Variants in SLC22A15 observed in about 807,000 individuals in gnomAD.
SLC22A15 encodes the protein solute carrier family 22 member 15.
In SLC22A15, 45 loss-of-function variants were observed where a neutral mutation model predicts 62.7. The ratio of observed to expected loss-of-function variants is 0.72; its 90% CI spans 0.56 to 0.92. SLC22A15 has a LOEUF of 0.92. SLC22A15 is among the 40% of genes least tolerant of loss of function. The pLI is 0.00. For synonymous variants in SLC22A15, 264 were observed against 267.0 expected (o/e 0.99, Z 0.11); for missense variants, 622 against 665.6 (o/e 0.93, Z 0.72).
chr1:115,997,157 T>G (rs1311853821), intron 2 of SLC22A15, among the ~76,000 whole-genome samples: 1 of 152,180 alleles, frequency 6.6e-6, no homozygotes, highest in Non-Finnish European at 1.5e-5. Context: ...TCCAACATTT[T>G]TTATGCCAAT....
In SLC22A15 at chr1:115,997,751, G is replaced by C. The variant is rs113888027; in HGVS notation, c.300+5508G>C. ...TATCATCTGCAAACAAGGGTAATTT[G>C]ACTTCTTCCTTTCCAATTTGGATAC... On this transcript the variant is annotated intron_variant, in intron 2 of 11. Coordinates refer to ENST00000369503, the MANE Select transcript of SLC22A15 (RefSeq NM_018420.3). Among the ~76,000 whole-genome samples, 888 of 151,898 alleles carry C rather than the reference G, an allele frequency of 5.8e-3. 6 individuals are homozygous for C. The highest frequency in any genetic ancestry group is 9.9e-3 in the Non-Finnish European group (672 of 67,878).
intron 2 of SLC22A15, among the ~76,000 whole-genome samples, chr1:116,016,793 C>T (rs944368808): frequency 2.0e-5 from 3 of 152,186 alleles, no homozygotes; most frequent in Non-Finnish European, 4.4e-5. Context: ...TCCATCACAA[C>T]ATCTGACAGT....
chr1:116,046,954 C>T (rs1353838556), intron 8 of SLC22A15, among the ~76,000 whole-genome samples: 2 of 152,108 alleles, frequency 1.3e-5, no homozygotes, highest in Admixed American at 1.3e-4. Context: ...GTGGCCTAGA[C>T]CTGACCCGAC....
chr1:115,983,490 A>G (rs1374746066), intron 1 of SLC22A15, among the ~76,000 whole-genome samples: 1 of 152,212 alleles, frequency 6.6e-6, no homozygotes, highest in Non-Finnish European at 1.5e-5. Context: ...ATATATGTAT[A>G]ATCGATGCAT....
At chr1:116,041,426 A>G (rs1657781195) in intron 8 of SLC22A15, among the ~76,000 whole-genome samples, 1 of 152,274 alleles carries the variant, frequency 6.6e-6, no homozygotes, top group Non-Finnish European at 1.5e-5. Flanking sequence ...GATGAAGACC[A>G]GCTGACTTGC....
chr1:116,007,942 G>A (rs1225362388), intron 2 of SLC22A15, among the ~76,000 whole-genome samples: 2 of 152,248 alleles, frequency 1.3e-5, no homozygotes, highest in Non-Finnish European at 2.9e-5. Context: ...GAGGAGTAGG[G>A]TCCAGGGCCT....
At chr1:115,988,766 C>T (rs1655008183) in intron 1 of SLC22A15, among the ~76,000 whole-genome samples, 1 of 151,440 alleles carries the variant, frequency 6.6e-6, no homozygotes, top group Non-Finnish European at 1.5e-5. Context: ...CTCCTGACCT[C>T]AAATGATCCA....
Position 116,004,544 on chromosome 1 carries a change from G to C in SLC22A15, c.300+12301G>C, listed in dbSNP as rs572379005. ...TATTGAACCAGCCTTGCATCTTTGGGTACATGCTTCTTTTTATATATTACT... is the reference window on the plus strand; with the variant it reads ...TATTGAACCAGCCTTGCATCTTTGGCTACATGCTTCTTTTTATATATTACT... On this transcript the variant is annotated intron_variant, in intron 2 of 11. Coordinates refer to ENST00000369503, the MANE Select transcript of SLC22A15 (RefSeq NM_018420.3). 5.3e-5 allele frequency among the ~76,000 whole-genome samples: 8 copies of C among 152,186 alleles called. 1 individual carries two copies. In the South Asian group the frequency reaches 1.7e-3, roughly 32 times the overall value.
In SLC22A15 at chr1:116,069,777, T is replaced by C. The variant is rs926555247; in HGVS notation, c.*2669T>C. On this transcript the variant is annotated 3_prime_UTR_variant, in exon 12 of 12. Coordinates refer to ENST00000369503, the MANE Select transcript of SLC22A15 (RefSeq NM_018420.3). The stretch of plus-strand genomic sequence containing the variant: ...TGAAGAAAATGAGTTTCTGAGACAC[T>C]GTTTAGGTAACCATAAATCAGACAG... The C allele has an allele frequency of 3.3e-5, 5 of 152,192 alleles. No individual in the cohort carries two copies. Among genetic ancestry groups the C allele is most frequent in the Non-Finnish European group, 1.5e-5 (1 of 68,030 alleles). 9.4% of individuals were successfully genotyped at this position (152,192 alleles called of 1,614,324 possible).
chr1:115,977,248 A>G lies in SLC22A15; in HGVS notation c.87+534A>G, dbSNP rs570639052. Among the ~76,000 whole-genome samples the G allele has an allele frequency of 2.0e-5, 3 of 152,268 alleles. No homozygotes were observed. The South Asian group carries it at 6.2e-4, about 32-fold the overall frequency. On this transcript the variant is annotated intron_variant, in intron 1 of 11. Transcript: ENST00000369503. ...ACTCTTCTAGGGGCTTTCAAAGCATAGGATTTATTTCCCTCTGGTTTAAGT... is the reference window on the plus strand; with the variant it reads ...ACTCTTCTAGGGGCTTTCAAAGCATGGGATTTATTTCCCTCTGGTTTAAGT...
intron 1 of SLC22A15, among the ~76,000 whole-genome samples, chr1:115,979,875 C>A (rs1476451539): frequency 6.6e-6 from 1 of 152,032 alleles, no homozygotes; most frequent in Non-Finnish European, 1.5e-5. Flanking sequence ...CCCCCATTTA[C>A]TATCAGGAAC....
intron 4 of SLC22A15, among the ~76,000 whole-genome samples, chr1:116,021,838 C>G (rs372340735): frequency 2.0e-5 from 3 of 152,330 alleles, no homozygotes; most frequent in Middle Eastern, 3.4e-3. Context: ...CAGCTGATAA[C>G]TGACAGGGCC....
intron 2 of SLC22A15, among the ~76,000 whole-genome samples, chr1:116,007,662 C>CAGA (rs1656048634): frequency 6.6e-6 from 1 of 152,130 alleles, no homozygotes; most frequent in African/African-American, 2.4e-5. Context: ...CTGCCAGAGG[C>CAGA]CTTCCATAGA....
intron 8 of SLC22A15, among the ~76,000 whole-genome samples, chr1:116,050,724 G>A (rs1227319783): frequency 2.6e-5 from 4 of 152,124 alleles, no homozygotes; most frequent in African/African-American, 4.8e-5. Flanking sequence ...CCTAACCAGA[G>A]CAATCAGACA....
chr1:116,002,584 C>T (rs545252871), intron 2 of SLC22A15, among the ~76,000 whole-genome samples: 2 of 151,570 alleles, frequency 1.3e-5, no homozygotes, highest in South Asian at 4.2e-4. Context: ...TTACTTTTCC[C>T]TCTCCTTTCC....
chr1:116,052,821 C>T (rs1658099688), intron 8 of SLC22A15, among the ~76,000 whole-genome samples: 2 of 152,180 alleles, frequency 1.3e-5, no homozygotes, highest in East Asian at 1.9e-4. Flanking sequence ...CTCTAGCAAA[C>T]TCCAACAGAC....
chr1:115,983,552 G>A lies in SLC22A15; in HGVS notation c.87+6838G>A, dbSNP rs117411340. On this transcript the variant is annotated intron_variant, in intron 1 of 11. Transcript: ENST00000369503. ...ACTGTTGCGGGAGCTCGTTCAGCAG[G>A]CCCTGTAAGGCTGTTGTCTTCGTGT... 2.6e-4 allele frequency among the ~76,000 whole-genome samples: 40 copies of A among 152,256 alleles called. No homozygotes were observed. The East Asian group carries it at 6.6e-3, about 25-fold the overall frequency.
intron 8 of SLC22A15, among the ~76,000 whole-genome samples, chr1:116,043,143 G>A (rs1343419138): frequency 1.3e-5 from 2 of 152,210 alleles, no homozygotes; most frequent in South Asian, 4.1e-4. Context: ...TACTGTATCA[G>A]CCCGGCACAG....
chr1:115,976,570 C>G lies in SLC22A15; in HGVS notation c.-58C>G. The G allele has an allele frequency of 7.4e-7, 1 of 1,360,130 alleles. No homozygotes were observed. Among genetic ancestry groups the G allele is most frequent in the Non-Finnish European group, 1.0e-6 (1 of 996,340 alleles). 84.3% of individuals were successfully genotyped at this position (1,360,130 alleles called of 1,614,324 possible). ...GGCGCCCAGGGGTTGCCGCGCTGGGCGGGAGGGCAGCGCCTGAGAGGGCGG... is the reference window on the plus strand; with the variant it reads ...GGCGCCCAGGGGTTGCCGCGCTGGGGGGGAGGGCAGCGCCTGAGAGGGCGG... On this transcript the variant is annotated 5_prime_UTR_variant, in exon 1 of 12. Transcript: ENST00000369503.
Sources: allele counts gnomAD v4.1 joint callset (sites outside exome capture counted in the v4.1 genomes callset), GRCh38; gene constraint gnomAD v4.1.1; transcripts MANE v1.5; gene names NCBI Gene and HGNC (gene_info 2026-07-23, HGNC 2026-07-21).